NIBAN2: variants seen among roughly 807,000 people sequenced by gnomAD.
NIBAN2 encodes the protein niban apoptosis regulator 2.
NIBAN2 carries 36 observed loss-of-function variants against 81.8 expected under a neutral mutation model. The observed-to-expected ratio is 0.44, with a 90% confidence interval of 0.34 to 0.58. NIBAN2 has a LOEUF of 0.58. NIBAN2 is among the 20% of genes least tolerant of loss of function. The probability of loss-of-function intolerance (pLI) is 0.02; values close to 1 mark genes in which losing one functional copy is unlikely to be tolerated. For synonymous variants in NIBAN2, 445 were observed against 441.6 expected, an observed-to-expected ratio of 1.01 and a Z score of -0.10; for missense variants, 897 against 1,014.1, an observed-to-expected ratio of 0.88 and a Z score of 1.57.
chr9:127,541,570 C>G (rs1462971589), intron 1 of NIBAN2, among the ~76,000 whole-genome samples: 1 of 152,126 alleles, frequency 6.6e-6, no homozygotes, highest in Non-Finnish European at 1.5e-5. Flanking sequence ...AGGGCTCCTG[C>G]TCAGGACCTG....
Position 127,514,558 on chromosome 9 carries a change from C to T in NIBAN2, c.973+2299G>A, listed in dbSNP as rs143566451. 2.2e-3 allele frequency among the ~76,000 whole-genome samples: 333 copies of T among 152,274 alleles called. 3 individuals carry two copies. In the East Asian group the frequency reaches 0.042, roughly 19 times the overall value. On this transcript the variant is annotated intron_variant, in intron 8 of 13. Transcript: ENST00000373312. ...AACTCCTTTAGGATGGGTCTTGCTTCTTCGTTTGAACAAAAAGAACAACAG... is the reference window on the plus strand; with the variant it reads ...AACTCCTTTAGGATGGGTCTTGCTTTTTCGTTTGAACAAAAAGAACAACAG...
At chr9:127,522,334 A>G (rs1284229227) in intron 5 of NIBAN2, among the ~76,000 whole-genome samples, 2 of 151,814 alleles carry the variant, frequency 1.3e-5, no homozygotes, top group Admixed American at 6.6e-5. Flanking sequence ...ATTGGCGCCC[A>G]CTCCGTCCCC....
chr9:127,568,980 C>A lies in NIBAN2; in HGVS notation c.-106G>T, dbSNP rs1451620990. 16 of 90,302 alleles carry A rather than the reference C, an allele frequency of 1.8e-4. No homozygotes were observed. The highest frequency in any genetic ancestry group is 1.9e-4 in the Non-Finnish European group (14 of 75,012). The allele number at this position is 90,302 out of a possible 1,614,324, so 5.6% of individuals were successfully genotyped here. ...GGAGCCCGGCCCGCCCTGCTTCCCCCGCTCCCGCCGCTCCCGCCGCTCCCG... is the reference window on the plus strand; with the variant it reads ...GGAGCCCGGCCCGCCCTGCTTCCCCAGCTCCCGCCGCTCCCGCCGCTCCCG... On this transcript the variant is annotated 5_prime_UTR_variant, in exon 1 of 14. Transcript: ENST00000373312.
In NIBAN2 at chr9:127,508,265, C is replaced by G; in HGVS notation, c.1435-65G>C. ...GGCTCCATTGGCCCTGAGGGTAGGA[C>G]GAGGCCAGTGGTCTGACCCAAGCCT... On this transcript the variant is annotated intron_variant, in intron 11 of 13. Transcript: ENST00000373312. This position sits in a 1 kb window ranked among gnomAD's most constrained non-coding sequence, Gnocchi z 6.4. 2 of 1,437,630 alleles carry G rather than the reference C, an allele frequency of 1.4e-6. No homozygotes were observed. The highest frequency in any genetic ancestry group is 2.3e-5 in the East Asian group (1 of 43,780). The allele number at this position is 1,437,630 out of a possible 1,614,324, so 89.1% of individuals were successfully genotyped here.
intron 1 of NIBAN2, among the ~76,000 whole-genome samples, chr9:127,554,548 C>CTTTCTTTTTTTTTTT (rs1837632346): frequency 1.3e-4 from 13 of 103,706 alleles, no homozygotes; most frequent in South Asian, 7.1e-4. Flanking sequence ...TTTTCTTTTT[C>CTTTCTTTTTTTTTTT]TTTTTTTTTT....
chr9:127,565,195 C>T (rs1191306355), intron 1 of NIBAN2, among the ~76,000 whole-genome samples: 7 of 152,052 alleles, frequency 4.6e-5, no homozygotes, highest in Non-Finnish European at 1.0e-4. Flanking sequence ...CTCCCCAGCT[C>T]AAGCAATCCG....
chr9:127,520,756 C>T lies in NIBAN2; in HGVS notation c.590-2815G>A, dbSNP rs918201901. Among the ~76,000 whole-genome samples the T allele has an allele frequency of 9.2e-5, 14 of 151,984 alleles. 1 individual carries two copies. Among genetic ancestry groups the T allele is most frequent in the East Asian group, 3.9e-4 (2 of 5,152 alleles). On this transcript the variant is annotated intron_variant, in intron 5 of 13. Coordinates refer to ENST00000373312, the MANE Select transcript of NIBAN2 (RefSeq NM_022833.4). ...AAAATTAGCCAGGTGTGGTGGCACACGCCTGTAGTCCCAGCTACTCGGGAG... is the reference window on the plus strand; with the variant it reads ...AAAATTAGCCAGGTGTGGTGGCACATGCCTGTAGTCCCAGCTACTCGGGAG...
In NIBAN2 at chr9:127,521,685, G is replaced by A. The variant is rs117406814; in HGVS notation, c.589+1994C>T. On this transcript the variant is annotated intron_variant, in intron 5 of 13. Transcript: ENST00000373312. ...GGAAGGAAGGCCTGAAACCAGCCTCGTCAGCTCCCGCCCTGGGGAGAAGGG... is the reference window on the plus strand; with the variant it reads ...GGAAGGAAGGCCTGAAACCAGCCTCATCAGCTCCCGCCCTGGGGAGAAGGG... Among the ~76,000 whole-genome samples the A allele has an allele frequency of 7.1e-3, 1,076 of 152,234 alleles. 5 individuals are homozygous for A. The highest frequency in any genetic ancestry group is 0.022 in the South Asian group (104 of 4,826).
At position 127,563,127 on chromosome 9, in the gene NIBAN2, G is replaced by A. The variant is rs893111656; in HGVS notation, c.55+5693C>T. ...GGTTTAGAAAGGTCCCTTTGGCAGC[G>A]TGTGTGGGAAGGACTAGAGGCTCCG... On this transcript the variant is annotated intron_variant, in intron 1 of 13. Coordinates refer to ENST00000373312, the MANE Select transcript of NIBAN2 (RefSeq NM_022833.4). This position sits in a 1 kb window ranked among gnomAD's most constrained non-coding sequence, Gnocchi z 4.1. Among the ~76,000 whole-genome samples, 2 of 152,262 alleles carry A rather than the reference G, an allele frequency of 1.3e-5. No individual in the cohort carries two copies. The highest frequency in any genetic ancestry group is 4.1e-4 in the South Asian group (2 of 4,826).
At chr9:127,570,292 C>T (rs1198901574), upstream of NIBAN2, among the ~76,000 whole-genome samples, 1 of 152,176 alleles carries the variant, frequency 6.6e-6, no homozygotes, top group South Asian at 2.1e-4. Context: ...TAAAGTGATG[C>T]AGGCATTCAT....
Position 127,510,231 on chromosome 9 carries a change from G to A in NIBAN2, c.1076C>T (p.Thr359Ile). 6.2e-7 allele frequency: 1 copy of A among 1,614,136 alleles called. No homozygotes were observed. The highest frequency in any genetic ancestry group is 8.5e-7 in the Non-Finnish European group (1 of 1,180,002). The change falls in exon 9 of 14, where the codon ACT becomes ATT. Residue 359 changes from threonine to isoleucine, a missense_variant. This residue lies in a region of NIBAN2 where 619 missense variants were observed against 691.0 expected (regional missense o/e 0.90). Coordinates refer to ENST00000373312, the MANE Select transcript of NIBAN2 (RefSeq NM_022833.4). The part of the protein sequence containing the change: ...ALMVPTSQGF[T>I]EVRDVFFKEV... ...CTTGAAGAAGACATCTCGCACCTCA[G>A]TGAAGCCCTGGCTGGTGGGGACCAT...
rs965588944 is a variant in NIBAN2 at position 127,546,401 on chromosome 9, G to A, written c.56-14623C>T. The stretch of plus-strand genomic sequence containing the variant: ...AACCCAGGGTGCTCTGCTGTGGCTC[G>A]TGCACATTGGCAGGTGCCCCCCACG... On this transcript the variant is annotated intron_variant, in intron 1 of 13. Coordinates refer to ENST00000373312, the MANE Select transcript of NIBAN2 (RefSeq NM_022833.4). Among the ~76,000 whole-genome samples the A allele has an allele frequency of 6.6e-5, 10 of 152,004 alleles. No individual in the cohort carries two copies. In the East Asian group the frequency reaches 7.8e-4, roughly 12 times the overall value.
At chr9:127,578,156 A>T (rs1400180352) in intron 1 of NIBAN2, among the ~76,000 whole-genome samples, 1 of 147,198 alleles carries the variant, frequency 6.8e-6, no homozygotes, top group Admixed American at 6.9e-5. Context: ...GCGCCACTGC[A>T]CTCCAGCCTG....
intron 1 of NIBAN2, among the ~76,000 whole-genome samples, chr9:127,554,211 G>A (rs1331792796): frequency 1.3e-5 from 2 of 152,176 alleles, no homozygotes; most frequent in East Asian, 3.9e-4. Context: ...AAGTGTTCAT[G>A]GGAAGGACTC....
In NIBAN2 at chr9:127,510,172, C is replaced by G; in HGVS notation, c.1135G>C (p.Glu379Gln). The G allele has an allele frequency of 6.2e-7, 1 of 1,613,204 alleles. No homozygotes were observed. The highest frequency in any genetic ancestry group is 8.5e-7 in the Non-Finnish European group (1 of 1,179,394). ...TCGCCCAGCTTGTCAATGCCGCCCT[C>G]GTTGATGACGTTCAGGTTCATGTCC... ...VTDMNLNVIN[E>Q]GGIDKLGEYM... is the part of the protein sequence containing the mutation. The change falls in exon 9 of 14, where the codon GAG (glutamate) becomes CAG (glutamine). Residue 379 changes from glutamate (E) to glutamine (Q), a missense_variant. This residue lies in a region of NIBAN2 where 619 missense variants were observed against 691.0 expected (regional missense o/e 0.90). Transcript: ENST00000373312.
At chr9:127,568,762 G>C in intron 1 of NIBAN2, 58 bp downstream of exon 1, 1 of 1,228,850 alleles carries the variant, frequency 8.1e-7, no homozygotes, top group East Asian at 3.5e-5. Flanking sequence ...CGGGGCGGGG[G>C]CGTGGTCCGG....
At chr9:127,523,994 G>A (rs150746121) in intron 4 of NIBAN2, 148 bp from the exon 5 acceptor site, 9,238 of 793,738 alleles carry the variant, frequency 0.012, 108 homozygotes, top group South Asian at 0.04. Context: ...GCAAGCCGGC[G>A]GGGGTGGGAG....
intron 1 of NIBAN2, among the ~76,000 whole-genome samples, chr9:127,565,408 G>T (rs933979032): frequency 6.6e-6 from 1 of 152,188 alleles, no homozygotes; most frequent in African/African-American, 2.4e-5. Flanking sequence ...TGGTGGCAAT[G>T]GTTGCGCAAT....
At chr9:127,515,296 G>A (rs776156487) in intron 8 of NIBAN2, among the ~76,000 whole-genome samples, 1 of 151,982 alleles carries the variant, frequency 6.6e-6, no homozygotes, top group African/African-American at 2.4e-5. Context: ...CGAGGTGGGC[G>A]GATCATGAGG....
Sources: allele counts gnomAD v4.1 joint callset (sites outside exome capture counted in the v4.1 genomes callset), GRCh38; gene constraint gnomAD v4.1.1; regional missense constraint gnomAD v4.1.1; non-coding constraint Gnocchi (gnomAD v3.1); transcripts MANE v1.5; gene names NCBI Gene and HGNC (gene_info 2026-07-23, HGNC 2026-07-21).